Variants in BCL2L13 observed in about 807,000 individuals in gnomAD.
The protein encoded by BCL2L13 is bcl-2-like protein 13.
In BCL2L13, 13 loss-of-function variants were observed where a neutral mutation model predicts 25.8. The observed-to-expected ratio is 0.50, with a 90% CI of 0.33 to 0.80. BCL2L13 has a LOEUF of 0.80. Among genes scored for constraint, BCL2L13 ranks in the 30% least tolerant of loss-of-function variants. BCL2L13 has a pLI of 0.02. For missense variants in BCL2L13, 504 were observed against 574.9 expected (o/e 0.88, Z 1.26); for synonymous variants, 244 against 230.3 (o/e 1.06, Z -0.54).
intron 1 of BCL2L13, among the ~76,000 whole-genome samples, chr22:17,644,605 T>C (rs2058408205): frequency 6.6e-6 from 1 of 150,774 alleles, no homozygotes; most frequent in South Asian, 2.1e-4. Context: ...GCTGGGATTA[T>C]AGGTATGAGC....
intron 3 of BCL2L13, chr22:17,684,558 TGTGGTGGTG>T (rs546831950): frequency 2.2e-6 from 1 of 452,934 alleles, no homozygotes; most frequent in African/African-American, 2.0e-5. Flanking sequence ...TAGTTCACTA[TGTGGTGGTG>T]GTGGTGGTGT....
chr22:17,647,045 C>G (rs2058520066), intron 1 of BCL2L13, among the ~76,000 whole-genome samples: 1 of 142,506 alleles, frequency 7.0e-6, no homozygotes, highest in African/African-American at 2.6e-5. Flanking sequence ...ACAATCTTGG[C>G]TAACTGCAAG....
In BCL2L13 at chr22:17,655,836, T is replaced by A; in HGVS notation, c.121+4T>A. On this transcript the variant is annotated splice_donor_region_variant and intron_variant, in intron 2 of 6. Coordinates refer to ENST00000317582, the MANE Select transcript of BCL2L13 (RefSeq NM_015367.4). ...CAACATCTTTCCTCACCCCAAGGTA[T>A]TATCTTTGGCTTATGGTGGTTATAG... 1 of 1,610,202 alleles carries A rather than the reference T, an allele frequency of 6.2e-7. No individual in the cohort carries two copies. Among genetic ancestry groups the A allele is most frequent in the Non-Finnish European group, 8.5e-7 (1 of 1,178,502 alleles).
intron 1 of BCL2L13, among the ~76,000 whole-genome samples, chr22:17,649,875 T>C (rs1249643604): frequency 7.1e-6 from 1 of 140,242 alleles, no homozygotes; most frequent in African/African-American, 2.9e-5. Context: ...TCTTTTCTTT[T>C]TTTTTTTTTT....
chr22:17,715,660 A>C (rs1301979595), intron 6 of BCL2L13, among the ~76,000 whole-genome samples: 1 of 152,210 alleles, frequency 6.6e-6, no homozygotes, highest in Non-Finnish European at 1.5e-5. Context: ...TATTTCCTGT[A>C]TGTTTTATAG....
Position 17,727,198 on chromosome 22 carries a change from A to G in BCL2L13, c.1122A>G (p.Thr374=). The G allele has an allele frequency of 1.2e-6, 2 of 1,614,256 alleles. No homozygotes were observed. Among genetic ancestry groups the G allele is most frequent in the East Asian group, 4.5e-5 (2 of 44,886 alleles). Residue 374 remains threonine (T), a synonymous_variant, in exon 7 of 7, where the codon ACA becomes ACG. Coordinates refer to ENST00000317582, the MANE Select transcript of BCL2L13 (RefSeq NM_015367.4). ...CAGTTGAGAAATCCAGCCCTGCTAC[A>G]TCTCTGTTTGTAGAACTTGATGAAG... The part of the protein sequence containing the change: ...VITVEKSSPA[T]SLFVELDEEE...
At chr22:17,700,039 ATC>A (rs1305686328) in intron 5 of BCL2L13, among the ~76,000 whole-genome samples, 1 of 152,168 alleles carries the variant, frequency 6.6e-6, no homozygotes, top group African/African-American at 2.4e-5. Flanking sequence ...AAAAAAACGA[ATC>A]ATCTGACATA....
At chr22:17,701,856 G>A (rs912083934) in intron 5 of BCL2L13, among the ~76,000 whole-genome samples, 1 of 150,516 alleles carries the variant, frequency 6.6e-6, no homozygotes, top group East Asian at 1.9e-4. Context: ...CCTGGGAGGC[G>A]GAGGCTGCAG....
intron 2 of BCL2L13, among the ~76,000 whole-genome samples, chr22:17,676,912 AATAG>A (rs1473507164): frequency 6.6e-6 from 1 of 152,234 alleles, no homozygotes; most frequent in African/African-American, 2.4e-5. Context: ...ATTTTTGCAT[AATAG>A]ATTGTTTTAT....
At chr22:17,716,877 G>A (rs2060960942) in intron 6 of BCL2L13, among the ~76,000 whole-genome samples, 1 of 152,166 alleles carries the variant, frequency 6.6e-6, no homozygotes, top group South Asian at 2.1e-4. Context: ...TTGAATTCAT[G>A]TCTCAGCAAG....
chr22:17,681,493 C>T (rs1363799218), intron 2 of BCL2L13, among the ~76,000 whole-genome samples: 4 of 146,936 alleles, frequency 2.7e-5, no homozygotes, highest in Non-Finnish European at 5.9e-5. Context: ...AGCGAGACTC[C>T]GTCTGAAAAA....
chr22:17,645,284 C>G (rs2058435912), intron 1 of BCL2L13, among the ~76,000 whole-genome samples: 1 of 134,512 alleles, frequency 7.4e-6, no homozygotes, highest in Non-Finnish European at 1.5e-5. Context: ...GGCTGGAGTG[C>G]AATCTAGGCT....
In BCL2L13 at chr22:17,655,706, A is replaced by G; in HGVS notation, c.-6A>G. 3.7e-6 allele frequency: 6 copies of G among 1,610,408 alleles called. No individual in the cohort carries two copies. Among genetic ancestry groups the G allele is most frequent in the South Asian group, 1.1e-5 (1 of 90,178 alleles). On this transcript the variant is annotated 5_prime_UTR_variant, in exon 2 of 7. Coordinates refer to ENST00000317582, the MANE Select transcript of BCL2L13 (RefSeq NM_015367.4). ...AGACCTTTTTGGAGCCTCACCAGCC[A>G]ATTCAATGGCGTCCTCTTCTACTGT...
At chr22:17,631,668 GTGTATATATATATA>G (rs2058021070) in intron 1 of BCL2L13, among the ~76,000 whole-genome samples, 2 of 21,866 alleles carry the variant, frequency 9.1e-5, no homozygotes, top group African/African-American at 2.8e-4. Flanking sequence ...ATGTGTGTGT[GTGTATATATATATA>G]TATATATATA....
At position 17,730,535 on chromosome 22, in the gene BCL2L13, C is replaced by T. The variant is rs994818613; in HGVS notation, c.*3001C>T. On this transcript the variant is annotated 3_prime_UTR_variant, in exon 7 of 7. Coordinates refer to ENST00000317582, the MANE Select transcript of BCL2L13 (RefSeq NM_015367.4). ...TAAGGCAAGTAGTCTCCTTGCCTTT[C>T]TCCTGAAAGGTATGAGATGTGGACA... 6.6e-6 allele frequency: 1 copy of T among 152,150 alleles called. No individual in the cohort carries two copies. Among genetic ancestry groups the T allele is most frequent in the Admixed American group, 6.5e-5 (1 of 15,274 alleles). The allele number at this position is 152,150 out of a possible 1,614,324, so 9.4% of individuals were successfully genotyped here. A position where few individuals can be genotyped will look rare whatever the true frequency, so the allele number is the denominator to read the frequency against.
At chr22:17,703,343 G>C (rs1275052937) in intron 6 of BCL2L13, 1 of 151,974 alleles carries the variant, frequency 6.6e-6, no homozygotes, top group South Asian at 2.1e-4. Flanking sequence ...CAATTATTTT[G>C]TCTAATTATT....
At chr22:17,644,431 C>T (rs2058400891) in intron 1 of BCL2L13, among the ~76,000 whole-genome samples, 1 of 149,614 alleles carries the variant, frequency 6.7e-6, no homozygotes, top group African/African-American at 2.5e-5. Context: ...CCTGGGTTCA[C>T]GCCATTCTCC....
intron 3 of BCL2L13, among the ~76,000 whole-genome samples, chr22:17,683,714 T>G (rs2059822361): frequency 6.7e-6 from 1 of 149,694 alleles, no homozygotes; most frequent in South Asian, 2.1e-4. Context: ...ATAACTGTAA[T>G]TATAATGTAC....
chr22:17,709,345 A>G (rs1292554500), intron 6 of BCL2L13, among the ~76,000 whole-genome samples: 1 of 152,206 alleles, frequency 6.6e-6, no homozygotes, highest in Non-Finnish European at 1.5e-5. Flanking sequence ...CTGTAATCCC[A>G]ACACTTTGGG....
Sources: allele counts gnomAD v4.1 joint callset (sites outside exome capture counted in the v4.1 genomes callset), GRCh38; gene constraint gnomAD v4.1.1; transcripts MANE v1.5; gene names NCBI Gene and HGNC (gene_info 2026-07-23, HGNC 2026-07-21).